The following COBL variants were observed in gnomAD, a reference collection of about 807,000 sequenced individuals.
COBL encodes cordon-bleu WH2 repeat protein.
A neutral mutation model predicts 98.8 loss-of-function variants in COBL; 51 were observed. The observed-to-expected ratio is 0.52, with a 90% CI of 0.41 to 0.65. The LOEUF (loss-of-function observed/expected upper bound fraction) is 0.65. Among genes scored for constraint, COBL ranks in the 30% least tolerant of loss-of-function variants. The pLI, the probability that COBL is intolerant of heterozygous loss-of-function variation, is 0.00. For missense variants in COBL, 1,617 were observed against 1,617.5 expected (o/e 1.00, Z 0.01); for synonymous variants, 634 against 651.7 (o/e 0.97, Z 0.41).
At chr7:51,217,532 G>A (rs1220852633) in intron 2 of COBL, among the ~76,000 whole-genome samples, 2 of 151,218 alleles carry the variant, frequency 1.3e-5, no homozygotes, top group Non-Finnish European at 2.9e-5. Flanking sequence ...TATTAGAGAC[G>A]GGGTTTCACC....
intron 2 of COBL, among the ~76,000 whole-genome samples, chr7:51,194,709 A>G (rs1411408618): frequency 6.6e-6 from 1 of 152,050 alleles, no homozygotes; most frequent in East Asian, 1.9e-4. Flanking sequence ...TTCTCTAATG[A>G]TCACTGATGT....
rs573202338 is a variant in COBL, at chr7:51,187,984, T to A, written c.685+2866A>T. ...CTGGAAAAGGCAGGCAATGAGAGAG[T>A]GAGGTCCAGCTTTGAGATGTGTGGG... On this transcript the variant is annotated intron_variant, in intron 4 of 12. Transcript: ENST00000265136. 5 of 1,232,206 alleles carry A rather than the reference T, an allele frequency of 4.1e-6. No individual in the cohort carries two copies. In the African/African-American group the frequency reaches 7.7e-5, roughly 19 times the overall value. The allele number at this position is 1,232,206 out of a possible 1,614,324, so 76.3% of individuals were successfully genotyped here. A position where few individuals can be genotyped will look rare whatever the true frequency, so the allele number is the denominator to read the frequency against.
At chr7:51,204,175 C>T (rs969895668) in intron 2 of COBL, among the ~76,000 whole-genome samples, 2 of 152,162 alleles carry the variant, frequency 1.3e-5, no homozygotes, top group African/African-American at 4.8e-5. Flanking sequence ...ACTCAATATC[C>T]ATGCATGCTG....
chr7:51,055,420 A>G (rs1245285625), intron 7 of COBL, among the ~76,000 whole-genome samples: 5 of 152,338 alleles, frequency 3.3e-5, no homozygotes, highest in African/African-American at 1.2e-4. Flanking sequence ...CTTATGAAGG[A>G]GCTAGCAGGG....
intron 1 of COBL, among the ~76,000 whole-genome samples, chr7:51,277,185 G>A (rs1799386867): frequency 6.6e-6 from 1 of 152,144 alleles, no homozygotes; most frequent in Non-Finnish European, 1.5e-5. Flanking sequence ...GGCCACACAT[G>A]CGCAGGGACC....
intron 6 of COBL, among the ~76,000 whole-genome samples, chr7:51,091,042 G>A (rs534418604): frequency 1.3e-5 from 2 of 152,326 alleles, no homozygotes; most frequent in South Asian, 4.1e-4. Flanking sequence ...TGAGCTGACT[G>A]ACATGTTATT....
At chr7:51,025,079 A>C (rs768511079) in intron 12 of COBL, 30 bp downstream of exon 12, 2 of 1,611,784 alleles carry the variant, frequency 1.2e-6, no homozygotes, top group South Asian at 1.1e-5. Flanking sequence ...CTCTGGCCCC[A>C]TTGAAATGCG....
At chr7:51,125,750 T>C (rs376220325) in intron 6 of COBL, among the ~76,000 whole-genome samples, 1 of 152,110 alleles carries the variant, frequency 6.6e-6, no homozygotes, top group Non-Finnish European at 1.5e-5. Context: ...CTTGCCCCAA[T>C]ATGGCCTGAG....
chr7:51,124,304 C>G (rs1272996459), intron 6 of COBL, among the ~76,000 whole-genome samples: 1 of 152,140 alleles, frequency 6.6e-6, no homozygotes, highest in African/African-American at 2.4e-5. Context: ...GGCACAATGG[C>G]CTTTCATTAG....
In COBL at chr7:51,316,718, C is replaced by T. The variant is rs1442478187; in HGVS notation, c.-85G>A. 9.4e-7 allele frequency: 1 copy of T among 1,064,804 alleles called. No homozygotes were observed. Among genetic ancestry groups the T allele is most frequent in the African/African-American group, 1.7e-5 (1 of 60,092 alleles). 66.0% of individuals were successfully genotyped at this position (1,064,804 alleles called of 1,614,324 possible). A position where few individuals can be genotyped will look rare whatever the true frequency, so the allele number is the denominator to read the frequency against. ...CGCCGCCACCGCTGCCGCCCTCATT[C>T]ACTTTTTCCGCGCTGACCCATCGTC... On this transcript the variant is annotated 5_prime_UTR_variant, in exon 1 of 13. Coordinates refer to ENST00000265136, the MANE Select transcript of COBL (RefSeq NM_015198.5).
At position 51,136,197 on chromosome 7, in the gene COBL, TGGA is replaced by T; in HGVS notation, c.915_917del (p.Pro306del). 1 of 1,612,948 alleles carries T rather than the reference TGGA, an allele frequency of 6.2e-7. No homozygotes were observed. Among genetic ancestry groups the T allele is most frequent in the Non-Finnish European group, 8.5e-7 (1 of 1,180,010 alleles). On this transcript the variant is annotated inframe_deletion, in exon 6 of 13. Coordinates refer to ENST00000265136, the MANE Select transcript of COBL (RefSeq NM_015198.5). ...TGTCTTGCACAGGTGGCCCTGAACC[TGGA>T]GGAGGAGGGGCTCGGCGCTTCTTCA...
chr7:51,026,122 C>T (rs533684710), intron 11 of COBL, among the ~76,000 whole-genome samples: 1 of 152,358 alleles, frequency 6.6e-6, no homozygotes, highest in South Asian at 2.1e-4. Flanking sequence ...CTGCCCTAAA[C>T]TCGAGTCCAT....
intron 1 of COBL, among the ~76,000 whole-genome samples, chr7:51,270,744 G>C (rs1295696217): frequency 6.6e-6 from 1 of 151,542 alleles, no homozygotes; most frequent in Non-Finnish European, 1.5e-5. Context: ...AGACCCAAAG[G>C]TCTTTTTTTC....
At chr7:51,102,937 T>C (rs1220615446) in intron 6 of COBL, among the ~76,000 whole-genome samples, 2 of 152,140 alleles carry the variant, frequency 1.3e-5, no homozygotes, top group African/African-American at 4.8e-5. Flanking sequence ...GTTGAAGGGG[T>C]ACAAAGTTCC....
intron 5 of COBL, among the ~76,000 whole-genome samples, chr7:51,144,194 G>T (rs1784814017): frequency 6.6e-6 from 1 of 152,104 alleles, no homozygotes; most frequent in African/African-American, 2.4e-5. Context: ...TAAACTCCAG[G>T]CTCAGAAAAT....
chr7:51,236,053 C>T (rs1383658442), intron 1 of COBL, among the ~76,000 whole-genome samples: 2 of 152,168 alleles, frequency 1.3e-5, no homozygotes, highest in East Asian at 3.9e-4. Context: ...TAAGCAGGGG[C>T]CTGGGCTCAC....
chr7:51,019,726 C>A (rs1786735699), intron 12 of COBL, among the ~76,000 whole-genome samples: 1 of 152,178 alleles, frequency 6.6e-6, no homozygotes, highest in Non-Finnish European at 1.5e-5. Context: ...ACAGAACTGA[C>A]CCCTAGGCCT....
chr7:51,083,096 T>TC, intron 7 of COBL: 4 of 1,417,494 alleles, frequency 2.8e-6, no homozygotes, highest in Non-Finnish European at 3.7e-6. Context: ...ACCAGCGCCT[T>TC]CCCCGGGAAA....
At position 51,288,821 on chromosome 7, in the gene COBL, ACTAGTCTTC is replaced by A. The variant is rs1800627753; in HGVS notation, c.41+27763_41+27771del. Among the ~76,000 whole-genome samples, 8 of 118,366 alleles carry A rather than the reference ACTAGTCTTC, an allele frequency of 6.8e-5. No individual in the cohort carries two copies. The South Asian group carries it at 1.3e-3, about 19-fold the overall frequency. The allele number at this position is 118,366 out of a possible 152,430, so 77.7% of individuals were successfully genotyped here. Reference sequence around the variant, plus strand: ...TGGGAAATAAGAACTGAATTCAAATACTAGTCTTCAAGATGGATATCTATGGAAATACTC... The same window carrying A: ...TGGGAAATAAGAACTGAATTCAAATAAAGATGGATATCTATGGAAATACTC... On this transcript the variant is annotated intron_variant, in intron 1 of 12. Coordinates refer to ENST00000265136, the MANE Select transcript of COBL (RefSeq NM_015198.5).
Sources: allele counts gnomAD v4.1 joint callset (sites outside exome capture counted in the v4.1 genomes callset), GRCh38; gene constraint gnomAD v4.1.1; transcripts MANE v1.5; gene names NCBI Gene and HGNC (gene_info 2026-07-23, HGNC 2026-07-21).